The following SPEG variants were observed in gnomAD, a reference collection of about 807,000 sequenced individuals.
SPEG encodes the protein striated muscle enriched protein kinase, also known as striated muscle preferentially expressed protein kinase.
A neutral mutation model predicts 300.4 loss-of-function variants in SPEG; 114 were observed. The ratio of observed to expected loss-of-function variants is 0.38; its 90% CI spans 0.33 to 0.44. The LOEUF is 0.44. Among genes scored for constraint, SPEG ranks in the 20% least tolerant of loss-of-function variants. The probability of loss-of-function intolerance (pLI) is 1.00; values close to 1 mark genes in which losing one functional copy is unlikely to be tolerated. For synonymous variants in SPEG, 1,964 were observed against 2,018.9 expected (o/e 0.97, Z 0.73); for missense variants, 4,201 against 4,586.2 (o/e 0.92, Z 2.43).
chr2:219,449,068 C>T lies in SPEG; in HGVS notation c.1910C>T (p.Ala637Val). 6.6e-7 allele frequency: 1 copy of T among 1,517,650 alleles called. No individual in the cohort carries two copies. The highest frequency in any genetic ancestry group is 8.8e-7 in the Non-Finnish European group (1 of 1,132,474). The allele number at this position is 1,517,650 out of a possible 1,614,324, so 94.0% of individuals were successfully genotyped here. A position where few individuals can be genotyped will look rare whatever the true frequency, so the allele number is the denominator to read the frequency against. ...PGRKREPPAQ[A>V]VRFLPWATPG... The stretch of plus-strand genomic sequence containing the variant: ...CGGAAGCGGGAGCCCCCGGCGCAGG[C>T]CGTGCGCTTCCTGCCCTGGGCCACG... Residue 637 changes from alanine to valine, a missense_variant, in exon 4 of 41, where the codon GCC (alanine) becomes GTC (valine). Coordinates refer to ENST00000312358, the MANE Select transcript of SPEG (RefSeq NM_005876.5).
chr2:219,491,890 C>T (rs377231200), intron 39 of SPEG, 21 bp downstream of exon 39: 27 of 1,573,216 alleles, frequency 1.7e-5, no homozygotes, highest in East Asian at 4.5e-5. Context: ...CCTACCCCAC[C>T]GCAGCCCTCT....
At position 219,469,276 on chromosome 2, in the gene SPEG, G is replaced by A. The variant is rs1185314912; in HGVS notation, c.3612G>A (p.Glu1204=). The A allele has an allele frequency of 6.2e-7, 1 of 1,613,818 alleles. No individual in the cohort carries two copies. The highest frequency in any genetic ancestry group is 8.5e-7 in the Non-Finnish European group (1 of 1,180,008). The change falls in exon 13 of 41, where the codon GAG becomes GAA. Residue 1204 remains glutamate, a synonymous_variant. Coordinates refer to ENST00000312358, the MANE Select transcript of SPEG (RefSeq NM_005876.5). ...ACCTGGAGGTGGGACTGGCCAAGGA[G>A]GCCATGCTAGAGTGCCAGGTGACCG... ...LQDLEVGLAK[E]AMLECQVTGL...
rs1249969946 is a variant in SPEG at position 219,469,250 on chromosome 2, G to A, written c.3586G>A (p.Asp1196Asn). The change falls in exon 13 of 41, where the codon GAC (aspartate) becomes AAC (asparagine). Residue 1196 changes from aspartate to asparagine, a missense_variant. This residue lies in a region of SPEG where 1,047 missense variants were observed against 1,356.8 expected (regional missense o/e 0.77). Coordinates refer to ENST00000312358, the MANE Select transcript of SPEG (RefSeq NM_005876.5). ...SIPDFLRPLQDLEVGLAKEAM... is the reference protein window; with the variant it reads ...SIPDFLRPLQNLEVGLAKEAM... ...TCCTGACTTCCTGCGGCCACTGCAG[G>A]ACCTGGAGGTGGGACTGGCCAAGGA... 6 of 1,613,850 alleles carry A rather than the reference G, an allele frequency of 3.7e-6. No homozygotes were observed. The highest frequency in any genetic ancestry group is 5.1e-6 in the Non-Finnish European group (6 of 1,179,968).
intron 6 of SPEG, chr2:219,461,672 G>A (rs1011454651): frequency 3.6e-5 from 29 of 805,568 alleles, no homozygotes; most frequent in African/African-American, 1.1e-4. Flanking sequence ...CAGCAGGGTC[G>A]GTGTTGGCAG....
intron 7 of SPEG, 71 bp from the exon 8 acceptor site, chr2:219,462,227 C>A: frequency 2.2e-6 from 3 of 1,362,458 alleles, no homozygotes; most frequent in Non-Finnish European, 3.0e-6. Context: ...TCCTCCGTCT[C>A]AGATTCCACA....
rs762292224 is a variant in SPEG at position 219,477,773 on chromosome 2, A to G, written c.4814A>G (p.Gln1605Arg). The stretch of plus-strand genomic sequence containing the variant: ...CTCAGCGACTTTTATGACATCCACC[A>G]GGAGATCGGCAGGTGTGGGGCTAGG... ...RRLSDFYDIH[Q>R]EIGRGAFSYL... is the part of the protein sequence containing the mutation. The change falls in exon 21 of 41, where the codon CAG becomes CGG. Residue 1605 changes from glutamine (Q) to arginine (R), a missense_variant. Transcript: ENST00000312358. This position sits in a 1 kb window ranked among gnomAD's most constrained non-coding sequence, Gnocchi z 6.4. 1.2e-5 allele frequency: 19 copies of G among 1,608,916 alleles called. No homozygotes were observed. In the South Asian group the frequency reaches 1.9e-4, roughly 16 times the overall value.
chr2:219,469,482 C>G, intron 13 of SPEG, 103 bp downstream of exon 13: 1 of 961,518 alleles, frequency 1.0e-6, no homozygotes, highest in Non-Finnish European at 1.6e-6. Context: ...TCCTCTGTAG[C>G]CTGACCAGGG....
intron 4 of SPEG, among the ~76,000 whole-genome samples, chr2:219,450,393 C>CT (rs953423844): frequency 3.3e-5 from 5 of 152,184 alleles, no homozygotes; most frequent in African/African-American, 1.2e-4. Context: ...ATTTTCACTG[C>CT]TTTTTTGGCT....
chr2:219,464,405 TG>T lies in SPEG; in HGVS notation c.2706-25del. On this transcript the variant is annotated intron_variant, in intron 8 of 40. Transcript: ENST00000312358. This position sits in a 1 kb window ranked among gnomAD's most constrained non-coding sequence, Gnocchi z 4.5. The stretch of plus-strand genomic sequence containing the variant: ...GCACGCACATCAGGCCCCTGGGCCC[TG>T]GGACTGAGTTCTTGCCCCTCTGACA... 1 of 1,596,712 alleles carries T rather than the reference TG, an allele frequency of 6.3e-7. No homozygotes were observed.
chr2:219,448,710 C>A lies in SPEG; in HGVS notation c.1552C>A (p.Arg518Ser). Residue 518 changes from arginine (R) to serine (S), a missense_variant, in exon 4 of 41, where the codon CGC becomes AGC. Transcript: ENST00000312358. ...GCTGGTGCGCTCGCACGAGTCCCTG[C>A]GCGCCACGCTGCAGCGTGCCCCATC... ...EELVRSHESL[R>S]ATLQRAPSPR... 6.7e-7 allele frequency: 1 copy of A among 1,493,020 alleles called. No individual in the cohort carries two copies. The highest frequency in any genetic ancestry group is 1.3e-5 in the South Asian group (1 of 79,958). The allele number at this position is 1,493,020 out of a possible 1,614,324, so 92.5% of individuals were successfully genotyped here. A position where few individuals can be genotyped will look rare whatever the true frequency, so the allele number is the denominator to read the frequency against.
rs200574374 is a variant in SPEG at position 219,492,719 on chromosome 2, G to T, written c.9737G>T (p.Arg3246Leu). The change falls in exon 41 of 41, where the codon CGG becomes CTG. Residue 3246 changes from arginine to leucine, a missense_variant. Arg to Leu is a moderately radical substitution (Grantham distance 102). Transcript: ENST00000312358. ...CTCAAGGAGTTCCTGGGCGAGCAGC[G>T]GCGGCGCCGGGCTGAGGCTGCCACC... ...NRLKEFLGEQ[R>L]RRRAEAATRH... is the part of the protein sequence containing the mutation. 7 of 1,599,852 alleles carry T rather than the reference G, an allele frequency of 4.4e-6. No individual in the cohort carries two copies. Among genetic ancestry groups the T allele is most frequent in the Non-Finnish European group, 5.1e-6 (6 of 1,177,700 alleles).
At position 219,459,532 on chromosome 2, in the gene SPEG, G is replaced by T. The variant is rs373430324; in HGVS notation, c.2441-2350G>T. Among the ~76,000 whole-genome samples the T allele has an allele frequency of 6.6e-6, 1 of 152,288 alleles. No individual in the cohort carries two copies. The highest frequency in any genetic ancestry group is 1.5e-5 in the Non-Finnish European group (1 of 68,008). On this transcript the variant is annotated intron_variant, in intron 6 of 40. Coordinates refer to ENST00000312358, the MANE Select transcript of SPEG (RefSeq NM_005876.5). This position sits in a 1 kb window ranked among gnomAD's most constrained non-coding sequence, Gnocchi z 4.9. ...CTCTCCAAGGGGCTTGAGGATGGGG[G>T]TCTGCTTCATGGCTAGATGCCCTCC...
Position 219,477,045 on chromosome 2 carries a change from G to T in SPEG, c.4560+63G>T. On this transcript the variant is annotated intron_variant, in intron 19 of 40. Coordinates refer to ENST00000312358, the MANE Select transcript of SPEG (RefSeq NM_005876.5). The surrounding 1 kb of genome is among the most constrained non-coding windows in gnomAD (Gnocchi z 6.4). ...GAGGGGCTCCCTGGGGGCGTGGGAG[G>T]GTCCTGGAAGGCCTTAGGAGGGCGG... is the stretch of plus-strand genomic sequence containing the variant. The T allele has an allele frequency of 1.4e-6, 2 of 1,414,308 alleles. No homozygotes were observed. The highest frequency in any genetic ancestry group is 1.9e-4 in the Middle Eastern group (1 of 5,166). 87.6% of individuals were successfully genotyped at this position (1,414,308 alleles called of 1,614,324 possible). A position where few individuals can be genotyped will look rare whatever the true frequency, so the allele number is the denominator to read the frequency against.
chr2:219,477,202 A>T lies in SPEG; in HGVS notation c.4561-75A>T. The T allele has an allele frequency of 4.5e-6, 1 of 220,830 alleles. No individual in the cohort carries two copies. Among genetic ancestry groups the T allele is most frequent in the Non-Finnish European group, 8.9e-6 (1 of 111,858 alleles). 13.7% of individuals were successfully genotyped at this position (220,830 alleles called of 1,614,324 possible). On this transcript the variant is annotated intron_variant, in intron 19 of 40. Transcript: ENST00000312358. This position sits in a 1 kb window ranked among gnomAD's most constrained non-coding sequence, Gnocchi z 6.4. ...TCCTGGTGAGAGATGCGCTGCCCAG[A>T]GTAGGAGATGAGGCCCTGGCCCCAA...
Position 219,477,830 on chromosome 2 carries a change from T to C in SPEG, c.4826+45T>C. The C allele has an allele frequency of 1.3e-6, 2 of 1,594,514 alleles. No homozygotes were observed. Among genetic ancestry groups the C allele is most frequent in the East Asian group, 2.2e-5 (1 of 44,558 alleles). The stretch of plus-strand genomic sequence containing the variant: ...GCCAGTGGGGGCCGAGAGAGGCTGC[T>C]GGGTCTGAGGGTTGGGAGGGGTGGA... On this transcript the variant is annotated intron_variant, in intron 21 of 40. Transcript: ENST00000312358. This position sits in a 1 kb window ranked among gnomAD's most constrained non-coding sequence, Gnocchi z 6.4.
intron 31 of SPEG, among the ~76,000 whole-genome samples, chr2:219,487,891 A>C (rs937037183): frequency 1.3e-5 from 2 of 152,244 alleles, no homozygotes; most frequent in Non-Finnish European, 2.9e-5. Context: ...CTTATAGACC[A>C]CTTACTTAGT....
At chr2:219,468,473 TG>T in intron 10 of SPEG, 104 bp from the exon 11 acceptor site, 1 of 1,328,060 alleles carries the variant, frequency 7.5e-7, no homozygotes, top group South Asian at 1.4e-5. Context: ...TGCTGGGCTC[TG>T]CCCAGGCTCC....
intron 31 of SPEG, among the ~76,000 whole-genome samples, chr2:219,486,072 T>C (rs186883360): frequency 1.3e-5 from 2 of 152,364 alleles, no homozygotes; most frequent in African/African-American, 4.8e-5. Flanking sequence ...AAGTCTCCAT[T>C]GCTCTGCAGC....
chr2:219,476,885 A>G lies in SPEG; in HGVS notation c.4463A>G (p.Glu1488Gly). The change falls in exon 19 of 41, where the codon GAG (glutamate) becomes GGG (glycine). Residue 1488 changes from glutamate (E) to glycine (G), a missense_variant. Physicochemically the swap from Glu to Gly is moderately conservative, Grantham distance 98. Transcript: ENST00000312358. ...TLELAEAPRF[E>G]SIMEDVEVGA... Reference sequence around the variant, plus strand: ...TGTGTTTCAGAGGCCCCTCGGTTTGAGTCCATCATGGAGGACGTGGAGGTG... The same window carrying G: ...TGTGTTTCAGAGGCCCCTCGGTTTGGGTCCATCATGGAGGACGTGGAGGTG... 6.2e-7 allele frequency: 1 copy of G among 1,613,524 alleles called. No homozygotes were observed. Among genetic ancestry groups the G allele is most frequent in the Non-Finnish European group, 8.5e-7 (1 of 1,179,846 alleles).
Sources: allele counts gnomAD v4.1 joint callset (sites outside exome capture counted in the v4.1 genomes callset), GRCh38; gene constraint gnomAD v4.1.1; regional missense constraint gnomAD v4.1.1; non-coding constraint Gnocchi (gnomAD v3.1); transcripts MANE v1.5; gene names NCBI Gene and HGNC (gene_info 2026-07-23, HGNC 2026-07-21).